The following CLTA variants were observed in gnomAD, a reference collection of about 807,000 sequenced individuals.
CLTA encodes the protein clathrin, light polypeptide (Lca).
CLTA carries 9 observed loss-of-function variants against 26.9 expected under a neutral mutation model. The ratio of observed to expected loss-of-function variants is 0.33; its 90% confidence interval spans 0.20 to 0.58. The LOEUF is 0.58. Ranked by LOEUF, CLTA falls within the 20% of genes least tolerant of loss-of-function variation. The probability of loss-of-function intolerance (pLI) is 0.85; values close to 1 mark genes in which losing one functional copy is unlikely to be tolerated. For missense variants in CLTA, 278 were observed against 294.2 expected (o/e 0.94, Z 0.40); for synonymous variants, 120 against 115.5 (o/e 1.04, Z -0.25).
chr9:36,211,624 A>G lies in CLTA; in HGVS notation c.507A>G (p.Val169=). 6.2e-7 allele frequency: 1 copy of G among 1,613,162 alleles called. No homozygotes were observed. The highest frequency in any genetic ancestry group is 8.5e-7 in the Non-Finnish European group (1 of 1,179,252). The change falls in exon 5 of 5, where the codon GTA becomes GTG. Residue 169 remains valine, a synonymous_variant. Coordinates refer to ENST00000345519, the MANE Select transcript of CLTA (RefSeq NM_001833.4). The part of the protein sequence containing the change: ...ANNRAAEEAF[V]NDIDESSPGT... ...CCAGGGCAGCAGAAGAAGCCTTTGT[A>G]AATGACATTGACGAGTCGTCCCCAG... is the stretch of plus-strand genomic sequence containing the variant.
Position 36,190,940 on chromosome 9 carries a change from C to G in CLTA, c.-117C>G, listed in dbSNP as rs926086513. ...GGGCTTCCGCTTTACCCGTCTCCCTCCTGGCGCTTGTCCTCCTCTCCCAGT... is the reference window on the plus strand; with the variant it reads ...GGGCTTCCGCTTTACCCGTCTCCCTGCTGGCGCTTGTCCTCCTCTCCCAGT... On this transcript the variant is annotated 5_prime_UTR_variant, in exon 1 of 5. Coordinates refer to ENST00000345519, the MANE Select transcript of CLTA (RefSeq NM_001833.4). The G allele has an allele frequency of 9.8e-6, 14 of 1,423,096 alleles. No individual in the cohort carries two copies. Among genetic ancestry groups the G allele is most frequent in the African/African-American group, 3.0e-5 (2 of 67,152 alleles). The allele number at this position is 1,423,096 out of a possible 1,614,324, so 88.2% of individuals were successfully genotyped here.
chr9:36,204,954 G>C (rs995362355), intron 4 of CLTA, among the ~76,000 whole-genome samples: 3 of 152,168 alleles, frequency 2.0e-5, no homozygotes, highest in Non-Finnish European at 4.4e-5. Flanking sequence ...GTATAAACGG[G>C]CCAGACCGAG....
At chr9:36,202,805 A>G (rs1434259108) in intron 3 of CLTA, among the ~76,000 whole-genome samples, 1 of 151,854 alleles carries the variant, frequency 6.6e-6, no homozygotes, top group Non-Finnish European at 1.5e-5. Context: ...CTCAGTAGCT[A>G]TGACATGTAT....
At chr9:36,197,693 T>C (rs1816899587) in intron 2 of CLTA, 105 bp downstream of exon 2, 2 of 791,082 alleles carry the variant, frequency 2.5e-6, no homozygotes, top group African/African-American at 3.5e-5. Context: ...TTGACTTTCC[T>C]GAATGTATTA....
rs1029330556 is a variant in CLTA, at chr9:36,196,403, G to C, written c.218-1148G>C. Among the ~76,000 whole-genome samples, 3 of 145,698 alleles carry C rather than the reference G, an allele frequency of 2.1e-5. No homozygotes were observed. In the Admixed American group the frequency reaches 2.1e-4, roughly 10 times the overall value. ...GCTCCGTCACCCAGGCTGGAGTGCA[G>C]TGGCGCGATCTTGGCTCACTGCAAC... On this transcript the variant is annotated intron_variant, in intron 1 of 4. Coordinates refer to ENST00000345519, the MANE Select transcript of CLTA (RefSeq NM_001833.4).
Position 36,204,049 on chromosome 9 carries a change from C to T in CLTA, c.374-19C>T. 2 of 1,613,480 alleles carry T rather than the reference C, an allele frequency of 1.2e-6. No individual in the cohort carries two copies. The highest frequency in any genetic ancestry group is 8.5e-7 in the Non-Finnish European group (1 of 1,179,728). On this transcript the variant is annotated intron_variant, in intron 3 of 4. Transcript: ENST00000345519. ...ACTTTGCCTCAATTGTATTGTCTTT[C>T]TCTTCTCTCCCTTCAAAGATGCCAA...
At chr9:36,203,094 A>C (rs527924284) in intron 3 of CLTA, among the ~76,000 whole-genome samples, 1 of 152,138 alleles carries the variant, frequency 6.6e-6, no homozygotes, top group Non-Finnish European at 1.5e-5. Flanking sequence ...CGGCCTCCCA[A>C]AGTGTTGGGA....
intron 1 of CLTA, among the ~76,000 whole-genome samples, chr9:36,197,050 C>T (rs367594227): frequency 2.6e-5 from 4 of 152,188 alleles, no homozygotes; most frequent in Non-Finnish European, 4.4e-5. Context: ...TGGCGCATGC[C>T]TGCAATCCCA....
rs763731631 is a variant in CLTA, at chr9:36,191,312, T to G, written c.217+39T>G. On this transcript the variant is annotated intron_variant, in intron 1 of 4. Transcript: ENST00000345519. ...CGCGTTTGGGGCGAGAGGACTTGTCTGGAAACTCGGTCCACAGTGGGTCCG... is the reference window on the plus strand; with the variant it reads ...CGCGTTTGGGGCGAGAGGACTTGTCGGGAAACTCGGTCCACAGTGGGTCCG... The G allele has an allele frequency of 1.3e-4, 188 of 1,475,492 alleles. No individual in the cohort carries two copies. In the African/African-American group the frequency reaches 2.4e-3, roughly 19 times the overall value. 91.4% of individuals were successfully genotyped at this position (1,475,492 alleles called of 1,614,324 possible). A position where few individuals can be genotyped will look rare whatever the true frequency, so the allele number is the denominator to read the frequency against.
chr9:36,211,719 T>C lies in CLTA; in HGVS notation c.602T>C (p.Val201Ala), dbSNP rs764596109. 3 of 1,614,010 alleles carry C rather than the reference T, an allele frequency of 1.9e-6. No individual in the cohort carries two copies. The South Asian group carries it at 3.3e-5, about 18-fold the overall frequency. Reference sequence around the variant, plus strand: ...AAGTCTAGCAAGCAGGCCAAAGATGTCTCCCGCATGCGCTCAGTCCTCATC... The same window carrying C: ...AAGTCTAGCAAGCAGGCCAAAGATGCCTCCCGCATGCGCTCAGTCCTCATC... ...NPKSSKQAKD[V>A]SRMRSVLISL... The change falls in exon 5 of 5, where the codon GTC becomes GCC. Residue 201 changes from valine to alanine, a missense_variant. Val to Ala is a moderately conservative substitution (Grantham distance 64). Coordinates refer to ENST00000345519, the MANE Select transcript of CLTA (RefSeq NM_001833.4).
intron 4 of CLTA, among the ~76,000 whole-genome samples, chr9:36,211,300 G>T (rs1329793139): frequency 6.6e-6 from 1 of 152,226 alleles, no homozygotes; most frequent in Non-Finnish European, 1.5e-5. Context: ...AAAGCAGTGT[G>T]TAGCTGGCTA....
intron 4 of CLTA, among the ~76,000 whole-genome samples, chr9:36,205,602 A>G (rs982294483): frequency 6.6e-6 from 1 of 152,082 alleles, no homozygotes; most frequent in Non-Finnish European, 1.5e-5. Flanking sequence ...TGCGTCAATA[A>G]CTTAACACAA....
Position 36,197,997 on chromosome 9 carries a change from C to CTTTTTT in CLTA, c.255+425_255+430dup, listed in dbSNP as rs11308341. ...TGTAAAGATTAACATTTATTTGAGT[C>CTTTTTT]TTTTTTTTTTTTTTTTTTTTTGAGA... On this transcript the variant is annotated intron_variant, in intron 2 of 4. Transcript: ENST00000345519. Among the ~76,000 whole-genome samples the CTTTTTT allele has an allele frequency of 7.7e-5, 8 of 104,234 alleles. No individual in the cohort carries two copies. In the South Asian group the frequency reaches 9.9e-4, roughly 13 times the overall value. The allele number at this position is 104,234 out of a possible 152,430, so 68.4% of individuals were successfully genotyped here. A position where few individuals can be genotyped will look rare whatever the true frequency, so the allele number is the denominator to read the frequency against.
Position 36,197,640 on chromosome 9 carries a change from C to T in CLTA, c.255+52C>T, listed in dbSNP as rs190585004. 8.0e-5 allele frequency: 113 copies of T among 1,407,688 alleles called. No homozygotes were observed. In the African/African-American group the frequency reaches 1.4e-3, roughly 17 times the overall value. 87.2% of individuals were successfully genotyped at this position (1,407,688 alleles called of 1,614,324 possible). On this transcript the variant is annotated intron_variant, in intron 2 of 4. Transcript: ENST00000345519. The stretch of plus-strand genomic sequence containing the variant: ...TGATAGTGATTGAGAATCTTCCTTT[C>T]CTGTGATTTTAATTGACTGACCTAG...
Position 36,211,666 on chromosome 9 carries a change from G to A in CLTA, c.549G>A (p.Arg183=), listed in dbSNP as rs771297321. ...CGTCCCCAGGCACTGAGTGGGAACG[G>A]GTGGCCCGGCTGTGTGACTTTAACC... ...DESSPGTEWE[R]VARLCDFNPK... Residue 183 remains arginine (R), a synonymous_variant, in exon 5 of 5, where the codon CGG becomes CGA. Transcript: ENST00000345519. The A allele has an allele frequency of 2.2e-5, 35 of 1,613,978 alleles. No individual in the cohort carries two copies. The Admixed American group carries it at 4.7e-4, about 22-fold the overall frequency.
intron 3 of CLTA, among the ~76,000 whole-genome samples, chr9:36,201,507 C>A (rs1563912720): frequency 1.3e-5 from 2 of 152,154 alleles, no homozygotes; most frequent in Admixed American, 6.5e-5. Flanking sequence ...TTTAAATGTA[C>A]TATTTTATGC....
At chr9:36,191,481 C>T (rs1033299277) in intron 1 of CLTA, among the ~76,000 whole-genome samples, 1 of 152,154 alleles carries the variant, frequency 6.6e-6, no homozygotes, top group Non-Finnish European at 1.5e-5. Flanking sequence ...TGCTTCTGGG[C>T]GCGGGCGGAG....
intron 4 of CLTA, among the ~76,000 whole-genome samples, chr9:36,205,077 G>T (rs1827635531): frequency 6.6e-6 from 1 of 152,230 alleles, no homozygotes; most frequent in African/African-American, 2.4e-5. Context: ...ACAGAGATGT[G>T]GCAGGAGAGA....
chr9:36,211,413 G>C (rs1336742294), intron 4 of CLTA, 190 bp from the exon 5 acceptor site: 1 of 194,420 alleles, frequency 5.1e-6, no homozygotes, highest in Non-Finnish European at 9.4e-6. Context: ...CAGCGGTCTG[G>C]GCACCCTGTG....
Sources: allele counts gnomAD v4.1 joint callset (sites outside exome capture counted in the v4.1 genomes callset), GRCh38; gene constraint gnomAD v4.1.1; transcripts MANE v1.5; gene names NCBI Gene and HGNC (gene_info 2026-07-23, HGNC 2026-07-21).